The following ZNF462 variants were observed in gnomAD, a reference collection of about 807,000 sequenced individuals.
ZNF462 encodes the protein zinc finger PBX1-interacting protein.
A neutral mutation model predicts 201.9 loss-of-function variants in ZNF462; 10 were observed. The observed-to-expected ratio is 0.05, with a 90% CI of 0.03 to 0.08. The LOEUF is 0.08. ZNF462 is among the 10% of genes least tolerant of loss of function. The pLI is 1.00. For missense variants in ZNF462, 2,523 were observed against 3,168.3 expected, an observed-to-expected ratio of 0.80 and a Z score of 4.89; for synonymous variants, 1,227 against 1,193.3, an observed-to-expected ratio of 1.03 and a Z score of -0.58.
At position 106,883,154 on chromosome 9, in the gene ZNF462, T is replaced by C. The variant is rs943452494; in HGVS notation, c.-31+19799T>C. Among the ~76,000 whole-genome samples the C allele has an allele frequency of 1.3e-5, 2 of 152,200 alleles. No homozygotes were observed. Among genetic ancestry groups the C allele is most frequent in the African/African-American group, 4.8e-5 (2 of 41,454 alleles). ...TAAAGAAACCCATGGGTCCTGTTAG[T>C]CCCAACCTCACTGAAGGACATATTC... is the stretch of plus-strand genomic sequence containing the variant. On this transcript the variant is annotated intron_variant, in intron 1 of 12. Transcript: ENST00000277225. This position sits in a 1 kb window ranked among gnomAD's most constrained non-coding sequence, Gnocchi z 4.9.
rs549343427 is a variant in ZNF462 at position 106,895,062 on chromosome 9, A to G, written c.-30-28292A>G. Among the ~76,000 whole-genome samples, 2 of 152,306 alleles carry G rather than the reference A, an allele frequency of 1.3e-5. No homozygotes were observed. Among genetic ancestry groups the G allele is most frequent in the South Asian group, 4.1e-4 (2 of 4,824 alleles). ...GGAAATTTATGGGAATACCATTAGC[A>G]TAGGTTGATGCACTGCTTCTGAGTA... is the stretch of plus-strand genomic sequence containing the variant. On this transcript the variant is annotated intron_variant, in intron 1 of 12. Transcript: ENST00000277225. The surrounding 1 kb of genome is among the most constrained non-coding windows in gnomAD (Gnocchi z 4.4).
At chr9:106,973,492 C>G (rs1320705400) in intron 8 of ZNF462, among the ~76,000 whole-genome samples, 1 of 152,224 alleles carries the variant, frequency 6.6e-6, no homozygotes. Flanking sequence ...GACAGGCAGA[C>G]ACTTTCTCCA....
intron 10 of ZNF462, among the ~76,000 whole-genome samples, chr9:106,988,300 C>T (rs1486307548): frequency 1.3e-5 from 2 of 152,064 alleles, no homozygotes; most frequent in Non-Finnish European, 1.5e-5. Flanking sequence ...GCGGAAACCC[C>T]TGGTAAACCA....
chr9:106,930,577 G>A lies in ZNF462; in HGVS notation c.5900G>A (p.Gly1967Asp). ...VPKIKERKVVGYKCKFCVEVH... is the reference protein window; with the variant it reads ...VPKIKERKVVDYKCKFCVEVH... Reference sequence around the variant, plus strand: ...AAGATCAAGGAGAGGAAAGTGGTGGGCTACAAATGTAAATTCTGTGTGGAA... The same window carrying A: ...AAGATCAAGGAGAGGAAAGTGGTGGACTACAAATGTAAATTCTGTGTGGAA... Residue 1967 changes from glycine to aspartate, a missense_variant, in exon 4 of 13, where the codon GGC (glycine) becomes GAC (aspartate). By Grantham distance (94) the Gly-to-Asp change is moderately conservative (BLOSUM62 -1). Around this residue, in one of 15 missense-constraint regions of ZNF462, gnomAD observed 107 missense variants for 187.7 expected, o/e 0.57. Coordinates refer to ENST00000277225, the MANE Select transcript of ZNF462 (RefSeq NM_021224.6). The surrounding 1 kb of genome is among the most constrained non-coding windows in gnomAD (Gnocchi z 5.8). 1 of 1,614,104 alleles carries A rather than the reference G, an allele frequency of 6.2e-7. No homozygotes were observed. Among genetic ancestry groups the A allele is most frequent in the South Asian group, 1.1e-5 (1 of 91,074 alleles).
rs769845303 is a variant in ZNF462 at position 106,923,418 on chromosome 9, G to A, written c.35G>A (p.Arg12Gln). Residue 12 changes from arginine to glutamine, a missense_variant, in exon 2 of 13, where the codon CGA (arginine) becomes CAA (glutamine). Around this residue, in one of 15 missense-constraint regions of ZNF462, gnomAD observed 480 missense variants for 544.4 expected, o/e 0.88. Transcript: ENST00000277225. This position sits in a 1 kb window ranked among gnomAD's most constrained non-coding sequence, Gnocchi z 5.6. ...CTTCAGTGTGATGGCTGTGATTTCC[G>A]AGCCCCGTCTTATGAAGATCTCAAG... is the stretch of plus-strand genomic sequence containing the variant. ...EVLQCDGCDF[R>Q]APSYEDLKAH... 9.3e-6 allele frequency: 15 copies of A among 1,614,012 alleles called. No individual in the cohort carries two copies. The highest frequency in any genetic ancestry group is 5.3e-5 in the African/African-American group (4 of 74,914).
chr9:106,980,280 A>C (rs1827321626), intron 9 of ZNF462, among the ~76,000 whole-genome samples: 1 of 152,216 alleles, frequency 6.6e-6, no homozygotes, highest in Admixed American at 6.5e-5. Context: ...TTTTCTTCAT[A>C]GCTTTCTCTA....
intron 6 of ZNF462, among the ~76,000 whole-genome samples, chr9:106,937,925 CT>C (rs1429910954): frequency 6.6e-6 from 1 of 152,068 alleles, no homozygotes; most frequent in Non-Finnish European, 1.5e-5. Flanking sequence ...CTTCTTATTA[CT>C]CTTTGAAATG....
rs1401281681 is a variant in ZNF462, at chr9:106,970,083, A to G, written c.6428-1922A>G. Among the ~76,000 whole-genome samples, 1 of 152,228 alleles carries G rather than the reference A, an allele frequency of 6.6e-6. No homozygotes were observed. The highest frequency in any genetic ancestry group is 2.4e-5 in the African/African-American group (1 of 41,468). ...GAATGAGAAGAATGAAAAGTTGACAATTGCATTATTGTGATCCAGAGTGGG... is the reference window on the plus strand; with the variant it reads ...GAATGAGAAGAATGAAAAGTTGACAGTTGCATTATTGTGATCCAGAGTGGG... On this transcript the variant is annotated intron_variant, in intron 7 of 12. Coordinates refer to ENST00000277225, the MANE Select transcript of ZNF462 (RefSeq NM_021224.6). The surrounding 1 kb of genome is among the most constrained non-coding windows in gnomAD (Gnocchi z 4.2).
rs1202613251 is a variant in ZNF462 at position 106,877,008 on chromosome 9, TATA to T, written c.-31+13657_-31+13659del. Among the ~76,000 whole-genome samples, 7 of 152,336 alleles carry T rather than the reference TATA, an allele frequency of 4.6e-5. No individual in the cohort carries two copies. In the East Asian group the frequency reaches 1.2e-3, roughly 25 times the overall value. Reference sequence around the variant, plus strand: ...CATCTACTTGGTCTTACTAATGTACTATAATATCAGATGCTTTGAGACCTCACG... The same window carrying T: ...CATCTACTTGGTCTTACTAATGTACTATATCAGATGCTTTGAGACCTCACG... On this transcript the variant is annotated intron_variant, in intron 1 of 12. Coordinates refer to ENST00000277225, the MANE Select transcript of ZNF462 (RefSeq NM_021224.6).
chr9:106,942,392 G>A (rs1468861606), intron 7 of ZNF462, among the ~76,000 whole-genome samples: 1 of 152,196 alleles, frequency 6.6e-6, no homozygotes, highest in Non-Finnish European at 1.5e-5. Flanking sequence ...CTGTGCTTCA[G>A]CCCTGCTCTT....
intron 6 of ZNF462, among the ~76,000 whole-genome samples, chr9:106,937,639 T>C (rs1830687310): frequency 1.3e-5 from 2 of 152,212 alleles, no homozygotes; most frequent in African/African-American, 4.8e-5. Context: ...TAACATTTCA[T>C]ATATTTCCTT....
chr9:106,877,601 T>C lies in ZNF462; in HGVS notation c.-31+14246T>C, dbSNP rs146039225. Reference sequence around the variant, plus strand: ...TTCAGCATGTTGGCCACGCTGGTCTTGAACAGGAGTTCAAGTGATCTGCCC... The same window carrying C: ...TTCAGCATGTTGGCCACGCTGGTCTCGAACAGGAGTTCAAGTGATCTGCCC... On this transcript the variant is annotated intron_variant, in intron 1 of 12. Transcript: ENST00000277225. 4.3e-3 allele frequency among the ~76,000 whole-genome samples: 655 copies of C among 152,092 alleles called. 5 individuals are homozygous for C. The highest frequency in any genetic ancestry group is 0.014 in the African/African-American group (595 of 41,494).
rs1213114534 is a variant in ZNF462 at position 106,932,916 on chromosome 9, G to T, written c.6116+367G>T. 1 of 336,238 alleles carries T rather than the reference G, an allele frequency of 3.0e-6. No individual in the cohort carries two copies. The highest frequency in any genetic ancestry group is 5.5e-6 in the Non-Finnish European group (1 of 182,786). 20.8% of individuals were successfully genotyped at this position (336,238 alleles called of 1,614,324 possible). A position where few individuals can be genotyped will look rare whatever the true frequency, so the allele number is the denominator to read the frequency against. ...TAAAGTCCATTTAGAAAACTGAGTT[G>T]CTAAAGAGGTAAAATTAGGACTATT... On this transcript the variant is annotated intron_variant, in intron 5 of 12. Coordinates refer to ENST00000277225, the MANE Select transcript of ZNF462 (RefSeq NM_021224.6). This position sits in a 1 kb window ranked among gnomAD's most constrained non-coding sequence, Gnocchi z 6.8.
chr9:106,953,121 A>G (rs945624046), intron 7 of ZNF462, among the ~76,000 whole-genome samples: 6 of 152,240 alleles, frequency 3.9e-5, no homozygotes, highest in African/African-American at 1.2e-4. Context: ...ATCTCTTGGA[A>G]GGAAAAAACC....
At position 106,872,662 on chromosome 9, in the gene ZNF462, C is replaced by T. The variant is rs1564068655; in HGVS notation, c.-31+9307C>T. On this transcript the variant is annotated intron_variant, in intron 1 of 12. Coordinates refer to ENST00000277225, the MANE Select transcript of ZNF462 (RefSeq NM_021224.6). The surrounding 1 kb of genome is among the most constrained non-coding windows in gnomAD (Gnocchi z 4.5). Reference sequence around the variant, plus strand: ...ACAGGCATGAGCCACCATGCCCGGCCTCAGAAAAGACCATTTTAATTTAAA... The same window carrying T: ...ACAGGCATGAGCCACCATGCCCGGCTTCAGAAAAGACCATTTTAATTTAAA... Among the ~76,000 whole-genome samples, 1 of 152,230 alleles carries T rather than the reference C, an allele frequency of 6.6e-6. No homozygotes were observed. The highest frequency in any genetic ancestry group is 2.4e-5 in the African/African-American group (1 of 41,458).
At chr9:106,931,752 A>G (rs1305331802) in intron 4 of ZNF462, among the ~76,000 whole-genome samples, 1 of 152,228 alleles carries the variant, frequency 6.6e-6, no homozygotes, top group Non-Finnish European at 1.5e-5. Context: ...ATTATGCAGC[A>G]GTCTCCAGTC....
chr9:106,971,580 A>T (rs534258087), intron 7 of ZNF462, among the ~76,000 whole-genome samples: 10 of 91,108 alleles, frequency 1.1e-4, no homozygotes, highest in Admixed American at 8.9e-4. Context: ...CATCCCTCTT[A>T]AAAAAAAAAA....
In ZNF462 at chr9:106,939,084, C is replaced by T; in HGVS notation, c.6404C>T (p.Ala2135Val). ...CACTCCTCCCAAAAAGCTACCCCGG[C>T]TGAAGAAGTGGAAGACTCCAATGGT... ...SHHSSQKATPAEEVEDSNDSS... is the reference protein window; with the variant it reads ...SHHSSQKATPVEEVEDSNDSS... The change falls in exon 7 of 13, where the codon GCT becomes GTT. Residue 2135 changes from alanine (A) to valine (V), a missense_variant. Transcript: ENST00000277225. The T allele has an allele frequency of 6.2e-7, 1 of 1,608,864 alleles. No individual in the cohort carries two copies. The highest frequency in any genetic ancestry group is 8.5e-7 in the Non-Finnish European group (1 of 1,177,670).
rs537595653 is a variant in ZNF462 at position 106,963,204 on chromosome 9, A to G, written c.6428-8801A>G. On this transcript the variant is annotated intron_variant, in intron 7 of 12. Coordinates refer to ENST00000277225, the MANE Select transcript of ZNF462 (RefSeq NM_021224.6). This position sits in a 1 kb window ranked among gnomAD's most constrained non-coding sequence, Gnocchi z 4.7. The stretch of plus-strand genomic sequence containing the variant: ...TGTTAACAGCACTTGAGAAACAGGT[A>G]TTTTGAGAATGGGAATTAAATCAAG... Among the ~76,000 whole-genome samples the G allele has an allele frequency of 6.6e-6, 1 of 152,106 alleles. No homozygotes were observed. The highest frequency in any genetic ancestry group is 1.5e-5 in the Non-Finnish European group (1 of 68,004).
Sources: gnomAD v4.1 joint callset for allele counts (sites outside exome capture counted in the v4.1 genomes callset) on GRCh38, gnomAD v4.1.1 for gene constraint, gnomAD v4.1.1 regional missense constraint, Gnocchi (gnomAD v3.1) non-coding constraint, MANE v1.5 for transcripts, NCBI Gene and HGNC (gene_info 2026-07-23, HGNC 2026-07-21) for gene names.